CNTN3: variants seen among roughly 807,000 people sequenced by gnomAD.
CNTN3 encodes contactin 3.
Under a neutral mutation model 119.1 loss-of-function variants are expected in CNTN3, and 60 were observed. The observed-to-expected ratio is 0.50, with a 90% CI of 0.41 to 0.62. The LOEUF (loss-of-function observed/expected upper bound fraction) is 0.62, where lower values mean the gene tolerates loss of function less well. Among genes scored for constraint, CNTN3 ranks in the 20% least tolerant of loss-of-function variants. The probability of loss-of-function intolerance (pLI) is 0.00; values close to 1 mark genes in which losing one functional copy is unlikely to be tolerated. For synonymous variants in CNTN3, 450 were observed against 438.7 expected (o/e 1.03, Z -0.32); for missense variants, 1,101 against 1,242.4 (o/e 0.89, Z 1.71).
chr3:74,559,484 T>C (rs1263371447), intron 1 of CNTN3, among the ~76,000 whole-genome samples: 2 of 152,144 alleles, frequency 1.3e-5, no homozygotes, highest in Non-Finnish European at 2.9e-5. Flanking sequence ...GCTGTGTACC[T>C]TGTGCTTACA....
At chr3:74,521,685 TCCCAA>T (rs1703545799) in intron 1 of CNTN3, among the ~76,000 whole-genome samples, 4 of 151,822 alleles carry the variant, frequency 2.6e-5, no homozygotes, top group Non-Finnish European at 5.9e-5. Flanking sequence ...TGCAGAAAGC[TCCCAA>T]TTATGTATGC....
At chr3:74,546,241 C>T (rs1308035936) in intron 1 of CNTN3, among the ~76,000 whole-genome samples, 1 of 152,240 alleles carries the variant, frequency 6.6e-6, no homozygotes, top group Non-Finnish European at 1.5e-5. Context: ...ATGATCAGCA[C>T]GCCTCAGCCT....
chr3:74,590,481 C>A (rs567015122), intron 1 of CNTN3, among the ~76,000 whole-genome samples: 1 of 151,554 alleles, frequency 6.6e-6, no homozygotes, highest in Non-Finnish European at 1.5e-5. Flanking sequence ...GAGACAGGGA[C>A]GCAGTGCTCA....
rs1043004531 is a variant in CNTN3 at position 74,392,869 on chromosome 3, C to T, written c.455-21470G>A. 2.6e-5 allele frequency among the ~76,000 whole-genome samples: 4 copies of T among 152,110 alleles called. No homozygotes were observed. In the Middle Eastern group the frequency reaches 0.01, roughly 388 times the overall value. On this transcript the variant is annotated intron_variant, in intron 5 of 22. Transcript: ENST00000263665. ...AGTAGAGTGCACCATGTTAAGTGGA[C>T]AGCTTGGTGAGTTTTTACATATGTA...
At chr3:74,270,431 C>A (rs1339432456) in intron 20 of CNTN3, among the ~76,000 whole-genome samples, 1 of 151,990 alleles carries the variant, frequency 6.6e-6, no homozygotes, top group African/African-American at 2.4e-5. Flanking sequence ...GAATGGGAGA[C>A]AGAATGGATC....
At position 74,329,253 on chromosome 3, in the gene CNTN3, G is replaced by A. The variant is rs890756013; in HGVS notation, c.1668+5482C>T. Among the ~76,000 whole-genome samples, 7 of 152,156 alleles carry A rather than the reference G, an allele frequency of 4.6e-5. No individual in the cohort carries two copies. In the East Asian group the frequency reaches 5.8e-4, roughly 13 times the overall value. ...AACTAGAGTGAAATTGTGGCTTGTG[G>A]GAAATAAATCATATTGAAGTGAGCC... On this transcript the variant is annotated intron_variant, in intron 13 of 22. Coordinates refer to ENST00000263665, the MANE Select transcript of CNTN3 (RefSeq NM_020872.3).
intron 14 of CNTN3, 45 bp downstream of exon 14, chr3:74,302,645 G>A (rs1702482222): frequency 3.5e-6 from 4 of 1,147,236 alleles, no homozygotes; most frequent in Non-Finnish European, 5.3e-6. Context: ...AAGGAATGCT[G>A]TTAAGATGTG....
chr3:74,406,639 A>G (rs957020349), intron 5 of CNTN3, among the ~76,000 whole-genome samples: 1 of 152,086 alleles, frequency 6.6e-6, no homozygotes, highest in African/African-American at 2.4e-5. Flanking sequence ...TGGCAACTGT[A>G]CACCAGTAAA....
At chr3:74,409,990 T>C (rs575183367) in intron 5 of CNTN3, among the ~76,000 whole-genome samples, 13 of 152,354 alleles carry the variant, frequency 8.5e-5, no homozygotes, top group Admixed American at 7.2e-4. Context: ...AAAGAAGTCA[T>C]GAATTCTTTA....
chr3:74,527,074 G>A (rs1703631124), intron 1 of CNTN3, among the ~76,000 whole-genome samples: 1 of 151,710 alleles, frequency 6.6e-6, no homozygotes, highest in Non-Finnish European at 1.5e-5. Context: ...GTATATATGT[G>A]TATACCTATA....
intron 18 of CNTN3, among the ~76,000 whole-genome samples, chr3:74,297,384 G>GAAA (rs72102148): frequency 6.2e-5 from 9 of 145,176 alleles, no homozygotes; most frequent in African/African-American, 1.0e-4. Flanking sequence ...ATGCCCAGAA[G>GAAA]AAAAAAAAAA....
intron 1 of CNTN3, among the ~76,000 whole-genome samples, chr3:74,560,785 C>T (rs550739001): frequency 8.2e-4 from 124 of 151,972 alleles, no homozygotes; most frequent in Non-Finnish European, 1.5e-3. Context: ...AAATATCCAA[C>T]AATGATAGAC....
rs1704334845 is a variant in CNTN3 at position 74,371,374 on chromosome 3, A to G, written c.480T>C (p.Asn160=). The G allele has an allele frequency of 6.2e-7, 1 of 1,613,190 alleles. No individual in the cohort carries two copies. The highest frequency in any genetic ancestry group is 8.5e-7 in the Non-Finnish European group (1 of 1,179,388). The change falls in exon 6 of 23, where the codon AAT becomes AAC. Residue 160 remains asparagine, a synonymous_variant. Transcript: ENST00000263665. ...SGELSYAWIF[N]EYPSFVEEDS... ...CTTCTTCAACAAACGATGGGTATTC[A>G]TTGAAGATCCAAGCATATGACAGTT...
chr3:74,582,392 C>T (rs1301120713), intron 1 of CNTN3, among the ~76,000 whole-genome samples: 1 of 112,958 alleles, frequency 8.9e-6, no homozygotes. Flanking sequence ...GGCGACAGAG[C>T]GAGACTCCGT....
chr3:74,405,216 T>C (rs1014346841), intron 5 of CNTN3, among the ~76,000 whole-genome samples: 1 of 152,064 alleles, frequency 6.6e-6, no homozygotes, highest in African/African-American at 2.4e-5. Flanking sequence ...TGACATCATT[T>C]ATGCCAAATG....
chr3:74,448,815 AAC>A (rs543449143), intron 4 of CNTN3, among the ~76,000 whole-genome samples: 37 of 152,236 alleles, frequency 2.4e-4, no homozygotes, highest in African/African-American at 8.4e-4. Flanking sequence ...TCCTTTGAAA[AAC>A]AGTTTTTGTT....
intron 13 of CNTN3, among the ~76,000 whole-genome samples, chr3:74,303,545 T>C (rs1322316547): frequency 6.6e-6 from 1 of 151,802 alleles, no homozygotes; most frequent in Non-Finnish European, 1.5e-5. Context: ...ATACAAAAAT[T>C]AGCTGGGTGT....
intron 5 of CNTN3, among the ~76,000 whole-genome samples, chr3:74,408,029 G>C (rs941670287): frequency 2.0e-5 from 3 of 152,164 alleles, no homozygotes; most frequent in African/African-American, 7.2e-5. Flanking sequence ...ATGTTTTCCA[G>C]CTTAGCCAGA....
chr3:74,493,756 G>A (rs887443569), intron 3 of CNTN3, among the ~76,000 whole-genome samples: 2 of 152,118 alleles, frequency 1.3e-5, no homozygotes, highest in Non-Finnish European at 2.9e-5. Flanking sequence ...TGCAGCCTTC[G>A]AAAGAATGAA....
Sources: gnomAD v4.1 joint callset for allele counts (sites outside exome capture counted in the v4.1 genomes callset) on GRCh38, gnomAD v4.1.1 for gene constraint, MANE v1.5 for transcripts, NCBI Gene and HGNC (gene_info 2026-07-23, HGNC 2026-07-21) for gene names.